The following ARSG variants were observed in gnomAD, a reference collection of about 807,000 sequenced individuals.
ARSG encodes the protein arylsulfatase G.
Under a neutral mutation model 50.5 loss-of-function variants are expected in ARSG, and 37 were observed. That is an observed-to-expected ratio of 0.73 (90% CI 0.56 to 0.96). The LOEUF (loss-of-function observed/expected upper bound fraction) is 0.96. ARSG is among the 50% of genes least tolerant of loss of function. The pLI is 0.00. For synonymous variants in ARSG, 225 were observed against 254.6 expected, an observed-to-expected ratio of 0.88 and a Z score of 1.11; for missense variants, 629 against 675.3, an observed-to-expected ratio of 0.93 and a Z score of 0.76.
At chr17:68,295,502 C>T (rs147924039) in intron 1 of ARSG, among the ~76,000 whole-genome samples, 27 of 151,658 alleles carry the variant, frequency 1.8e-4, no homozygotes, top group Admixed American at 7.9e-4. Context: ...ACATAGCCTC[C>T]GGGAGGCTTC....
At chr17:68,308,116 C>T (rs1390636235) in intron 2 of ARSG, among the ~76,000 whole-genome samples, 2 of 152,032 alleles carry the variant, frequency 1.3e-5, no homozygotes, top group East Asian at 1.9e-4. Flanking sequence ...CCAGCTTGGG[C>T]AACCTGGCAA....
intron 2 of ARSG, among the ~76,000 whole-genome samples, chr17:68,315,172 C>A (rs1204280324): frequency 6.6e-6 from 1 of 152,148 alleles, no homozygotes; most frequent in African/African-American, 2.4e-5. Context: ...GAGCCTTATT[C>A]TTTCAGGGCT....
At chr17:68,270,424 G>C (rs1270237772) in intron 1 of ARSG, among the ~76,000 whole-genome samples, 1 of 151,872 alleles carries the variant, frequency 6.6e-6, no homozygotes, top group Non-Finnish European at 1.5e-5. Flanking sequence ...CGTGGTGGTG[G>C]GTGCCTGTAG....
Position 68,301,177 on chromosome 17 carries a change from A to G in ARSG, c.-551-5766A>G, listed in dbSNP as rs115103573. 3.1e-3 allele frequency among the ~76,000 whole-genome samples: 466 copies of G among 151,950 alleles called. 6 individuals carry two copies. The highest frequency in any genetic ancestry group is 0.01 in the African/African-American group (425 of 41,428). On this transcript the variant is annotated intron_variant, in intron 1 of 11. Transcript: ENST00000621439. Reference sequence around the variant, plus strand: ...GAAATTGCTCTCCCAGGCTGGATAGAGGCATTCAAAGATGTCTTGTGCATC... The same window carrying G: ...GAAATTGCTCTCCCAGGCTGGATAGGGGCATTCAAAGATGTCTTGTGCATC...
intron 8 of ARSG, among the ~76,000 whole-genome samples, chr17:68,374,309 A>G (rs894911075): frequency 1.8e-4 from 27 of 151,836 alleles, no homozygotes; most frequent in African/African-American, 6.3e-4. Flanking sequence ...GAAAGCCTGG[A>G]ATAGCCTGGT....
At chr17:68,337,231 A>G (rs1242804766) in intron 2 of ARSG, among the ~76,000 whole-genome samples, 2 of 152,112 alleles carry the variant, frequency 1.3e-5, no homozygotes, top group Non-Finnish European at 1.5e-5. Flanking sequence ...CCAAGAAGAG[A>G]TGTTCGGGAG....
At chr17:68,338,761 C>T (rs1346913926) in intron 2 of ARSG, among the ~76,000 whole-genome samples, 4 of 152,180 alleles carry the variant, frequency 2.6e-5, no homozygotes, top group African/African-American at 2.4e-5. Flanking sequence ...ACATGTAAAG[C>T]GCCCTGTTCG....
chr17:68,299,405 G>A (rs1309101280), intron 1 of ARSG, among the ~76,000 whole-genome samples: 3 of 151,732 alleles, frequency 2.0e-5, no homozygotes, highest in African/African-American at 7.3e-5. Flanking sequence ...GCGCCTAGCT[G>A]AAAAAATGGA....
intron 8 of ARSG, among the ~76,000 whole-genome samples, chr17:68,384,476 G>C (rs1479117143): frequency 6.6e-6 from 1 of 152,122 alleles, no homozygotes; most frequent in South Asian, 2.1e-4. Flanking sequence ...TACTGACACT[G>C]TCTCCATAAC....
intron 2 of ARSG, among the ~76,000 whole-genome samples, chr17:68,332,483 A>C (rs1451597155): frequency 6.6e-6 from 1 of 152,212 alleles, no homozygotes; most frequent in African/African-American, 2.4e-5. Context: ...GATTAAAGGC[A>C]GGCATAGGAA....
intron 1 of ARSG, chr17:68,274,305 A>C: frequency 2.8e-6 from 1 of 360,218 alleles, no homozygotes; most frequent in Admixed American, 3.9e-5. Flanking sequence ...GTCTCTACAA[A>C]AAATACAAAA....
chr17:68,450,066 T>C, the ARSG span, among the ~76,000 whole-genome samples: 1 of 152,158 alleles, frequency 6.6e-6, no homozygotes, highest in Non-Finnish European at 1.5e-5. Flanking sequence ...GGAAATCTGC[T>C]AACACCCCCA....
chr17:68,376,899 G>A (rs1036822125), intron 8 of ARSG, among the ~76,000 whole-genome samples: 1 of 148,594 alleles, frequency 6.7e-6, no homozygotes, highest in Non-Finnish European at 1.5e-5. Context: ...TTGCTCTGTC[G>A]CCCAGGCTGG....
intron 1 of ARSG, among the ~76,000 whole-genome samples, chr17:68,276,043 A>G (rs1336316818): frequency 6.6e-6 from 1 of 152,146 alleles, no homozygotes; most frequent in Non-Finnish European, 1.5e-5. Flanking sequence ...GAATGACTTC[A>G]TGAAACTTGT....
chr17:68,444,444 C>A, the ARSG span: 2 of 1,535,704 alleles, frequency 1.3e-6, no homozygotes, highest in Non-Finnish European at 1.8e-6. Context: ...GGGAAAGAAG[C>A]ACCAGGACAT....
chr17:68,434,426 G>T, the ARSG span: 1 of 844,804 alleles, frequency 1.2e-6, no homozygotes, highest in Non-Finnish European at 1.8e-6. Flanking sequence ...TTACCTGGGA[G>T]AGTAGTTACA....
At chr17:68,321,929 A>G (rs1411084544) in intron 2 of ARSG, among the ~76,000 whole-genome samples, 3 of 152,184 alleles carry the variant, frequency 2.0e-5, no homozygotes, top group African/African-American at 7.2e-5. Context: ...ATTGCTTATT[A>G]ATTAGTCCAA....
chr17:68,272,085 G>A (rs2075360064), intron 1 of ARSG, among the ~76,000 whole-genome samples: 1 of 152,188 alleles, frequency 6.6e-6, no homozygotes. Context: ...ACAGGCATGA[G>A]CCACTGCACC....
chr17:68,277,700 C>T (rs1306544998), intron 1 of ARSG, among the ~76,000 whole-genome samples: 3 of 152,208 alleles, frequency 2.0e-5, no homozygotes, highest in Non-Finnish European at 4.4e-5. Flanking sequence ...AAAGTGCTTA[C>T]AGGTGTGAGC....
Sources: gnomAD v4.1 joint callset for allele counts (sites outside exome capture counted in the v4.1 genomes callset) on GRCh38, gnomAD v4.1.1 for gene constraint, MANE v1.5 for transcripts, NCBI Gene and HGNC (gene_info 2026-07-23, HGNC 2026-07-21) for gene names.